The following DMTN variants were observed in gnomAD, a reference collection of about 807,000 sequenced individuals.
The protein encoded by DMTN is dematin.
DMTN carries 27 observed loss-of-function variants against 59.4 expected under a neutral mutation model. The ratio of observed to expected loss-of-function variants is 0.45; its 90% CI spans 0.33 to 0.63. The LOEUF is 0.63. DMTN is among the 20% of genes least tolerant of loss of function. The probability of loss-of-function intolerance (pLI) is 0.02; values close to 1 mark genes in which losing one functional copy is unlikely to be tolerated. For synonymous variants in DMTN, 221 were observed against 203.7 expected (o/e 1.08, Z -0.72); for missense variants, 451 against 528.9 (o/e 0.85, Z 1.45).
rs375732394 is a variant in DMTN at position 22,079,808 on chromosome 8, A to G, written c.836-372A>G. On this transcript the variant is annotated intron_variant, in intron 10 of 15. Coordinates refer to ENST00000358242, the MANE Select transcript of DMTN (RefSeq NM_001387751.1). ...GATTTGATTACTAACATTGTTAATAAAATTATAATAATGTAATTATTGTGA... is the reference window on the plus strand; with the variant it reads ...GATTTGATTACTAACATTGTTAATAGAATTATAATAATGTAATTATTGTGA... Among the ~76,000 whole-genome samples the G allele has an allele frequency of 2.6e-5, 4 of 152,292 alleles. No individual in the cohort carries two copies. The East Asian group carries it at 7.7e-4, about 29-fold the overall frequency.
intron 5 of DMTN, 82 bp downstream of exon 5, chr8:22,069,142 G>C: frequency 6.7e-7 from 1 of 1,491,710 alleles, no homozygotes; most frequent in South Asian, 1.2e-5. Flanking sequence ...ATCAGACCAA[G>C]CTCTGCAGAG....
rs760630620 is a variant in DMTN at position 22,081,153 on chromosome 8, G to T, written c.1064G>T (p.Arg355Leu). 3.1e-6 allele frequency: 5 copies of T among 1,611,558 alleles called. No individual in the cohort carries two copies. Among genetic ancestry groups the T allele is most frequent in the Non-Finnish European group, 3.4e-6 (4 of 1,179,534 alleles). ...YEMLVVTNKGRTKLPPGVDRM... is the reference protein window; with the variant it reads ...YEMLVVTNKGLTKLPPGVDRM... ...ATGCTAGTGGTGACCAACAAGGGGC[G>T]AACCAAGCTGCCACCGGGGGTGGAT... Residue 355 changes from arginine (R) to leucine (L), a missense_variant, in exon 15 of 16, where the codon CGA becomes CTA. Transcript: ENST00000358242.
At chr8:22,080,944 G>T (rs760243821) in intron 14 of DMTN, 74 bp downstream of exon 14, 1 of 1,515,682 alleles carries the variant, frequency 6.6e-7, no homozygotes, top group Non-Finnish European at 8.9e-7. Flanking sequence ...GGAATGTGCT[G>T]CGGGGTCTTC....
At chr8:22,078,800 T>G (rs1415371218) in intron 10 of DMTN, among the ~76,000 whole-genome samples, 3 of 116,944 alleles carry the variant, frequency 2.6e-5, no homozygotes, top group African/African-American at 9.8e-5. Flanking sequence ...GTCAGACTGT[T>G]TTTTTTTTTT....
chr8:22,056,597 C>T (rs963792648), upstream of DMTN, among the ~76,000 whole-genome samples: 7 of 140,038 alleles, frequency 5.0e-5, no homozygotes, highest in Admixed American at 2.7e-4. Context: ...CTGCAGACTG[C>T]GGTGTGGGAA....
chr8:22,079,435 A>C (rs1335242349), intron 10 of DMTN, among the ~76,000 whole-genome samples: 1 of 151,098 alleles, frequency 6.6e-6, no homozygotes, highest in Non-Finnish European at 1.5e-5. Context: ...TGGATGACAC[A>C]CGGAGACCCC....
At chr8:22,076,980 G>C (rs1380745757) in intron 10 of DMTN, among the ~76,000 whole-genome samples, 1 of 152,128 alleles carries the variant, frequency 6.6e-6, no homozygotes, top group Non-Finnish European at 1.5e-5. Flanking sequence ...TGCCGTGGAG[G>C]GGAGGAGAAA....
chr8:22,076,604 A>G (rs777079795), intron 10 of DMTN, among the ~76,000 whole-genome samples: 55 of 151,556 alleles, frequency 3.6e-4, no homozygotes, highest in Middle Eastern at 6.8e-3. Flanking sequence ...GTGTGTGTGT[A>G]TATATATATG....
At chr8:22,078,039 G>A (rs573618826) in intron 10 of DMTN, among the ~76,000 whole-genome samples, 2 of 152,046 alleles carry the variant, frequency 1.3e-5, no homozygotes, top group Admixed American at 6.6e-5. Context: ...CTCAATAATC[G>A]AATGCTTCCA....
At chr8:22,075,003 A>G (rs1238286176) in intron 10 of DMTN, among the ~76,000 whole-genome samples, 2 of 151,922 alleles carry the variant, frequency 1.3e-5, no homozygotes, top group Admixed American at 6.6e-5. Flanking sequence ...CCTGACCAAT[A>G]TGGTAAAACC....
At position 22,073,734 on chromosome 8, in the gene DMTN, C is replaced by T. The variant is rs1163537467; in HGVS notation, c.734C>T (p.Thr245Ile). Residue 245 changes from threonine to isoleucine, a missense_variant, in exon 10 of 16, where the codon ACT becomes ATT. By Grantham distance (89) the Thr-to-Ile change is moderately conservative. Transcript: ENST00000358242. ...TCTTCCTTTCTCCCTCCTCAGGTTA[C>T]TTCCAACTTGGGAAAGATGATCTTG... ...ERQREELSKV[T>I]SNLGKMILKE... is the part of the protein sequence containing the mutation. 6.2e-7 allele frequency: 1 copy of T among 1,608,870 alleles called. No individual in the cohort carries two copies. Among genetic ancestry groups the T allele is most frequent in the Non-Finnish European group, 8.5e-7 (1 of 1,176,922 alleles).
intron 4 of DMTN, among the ~76,000 whole-genome samples, chr8:22,068,724 GA>G (rs1335500155): frequency 1.3e-5 from 2 of 151,692 alleles, no homozygotes; most frequent in Non-Finnish European, 2.9e-5. Flanking sequence ...ATGAGAGCGG[GA>G]GAGAGGAGAA....
chr8:22,055,820 C>G (rs1021011088), upstream of DMTN, among the ~76,000 whole-genome samples: 2 of 152,164 alleles, frequency 1.3e-5, no homozygotes, highest in African/African-American at 4.8e-5. Flanking sequence ...TCCCTCAAGC[C>G]CCTCCCCCTG....
At chr8:22,052,251 A>G (rs928387975), upstream of DMTN, among the ~76,000 whole-genome samples, 1 of 152,244 alleles carries the variant, frequency 6.6e-6, no homozygotes, top group African/African-American at 2.4e-5. Flanking sequence ...TCCGCTAAAT[A>G]GCAAGTGCCC....
chr8:22,079,303 A>AT (rs67715172), intron 10 of DMTN, among the ~76,000 whole-genome samples: 30 of 52,204 alleles, frequency 5.7e-4, no homozygotes, highest in South Asian at 8.2e-4. Flanking sequence ...TATATATATT[A>AT]GCTGGGTTTG....
At position 22,070,384 on chromosome 8, in the gene DMTN, T is replaced by A. The variant is rs1430468966; in HGVS notation, c.604+50T>A. 5 of 1,542,960 alleles carry A rather than the reference T, an allele frequency of 3.2e-6. No individual in the cohort carries two copies. In the African/African-American group the frequency reaches 6.9e-5, roughly 21 times the overall value. On this transcript the variant is annotated intron_variant, in intron 8 of 15. Transcript: ENST00000358242. Reference sequence around the variant, plus strand: ...TGGGTGGTCTGGGAAACTCCTGCACTCCCTCCCCTTGGCTCTTGCTGCAGT... The same window carrying A: ...TGGGTGGTCTGGGAAACTCCTGCACACCCTCCCCTTGGCTCTTGCTGCAGT...
At chr8:22,071,086 ATTT>A (rs1815026527) in intron 8 of DMTN, among the ~76,000 whole-genome samples, 1 of 7,048 alleles carries the variant, frequency 1.4e-4, no homozygotes, top group African/African-American at 1.6e-4. Context: ...TTTTTATTTT[ATTT>A]ATTTATTTAT....
At position 22,069,922 on chromosome 8, in the gene DMTN, A is replaced by G. The variant is rs753597649; in HGVS notation, c.436A>G (p.Ile146Val). ...PDSNIYKKPP[I>V]YKQRESVGGS... ...TTCCAACATCTACAAGAAGCCTCCC[A>G]TCTATAAGCAGAGAGGTGAGGGCGC... Residue 146 changes from isoleucine (I) to valine (V), a missense_variant, in exon 7 of 16, where the codon ATC becomes GTC. Physicochemically the swap from Ile to Val is conservative, Grantham distance 29. Coordinates refer to ENST00000358242, the MANE Select transcript of DMTN (RefSeq NM_001387751.1). The G allele has an allele frequency of 6.8e-6, 11 of 1,614,018 alleles. No homozygotes were observed. The highest frequency in any genetic ancestry group is 1.3e-5 in the African/African-American group (1 of 75,010).
At chr8:22,061,317 A>G (rs897047358) in intron 1 of DMTN, among the ~76,000 whole-genome samples, 1 of 151,880 alleles carries the variant, frequency 6.6e-6, no homozygotes, top group Non-Finnish European at 1.5e-5. Flanking sequence ...AGAAAGAAAG[A>G]AAAAATGTGA....
Sources: allele counts gnomAD v4.1 joint callset (sites outside exome capture counted in the v4.1 genomes callset), GRCh38; gene constraint gnomAD v4.1.1; transcripts MANE v1.5; gene names NCBI Gene and HGNC (gene_info 2026-07-23, HGNC 2026-07-21).